Variants in NFIB observed in about 807,000 individuals in gnomAD.
The protein encoded by NFIB is nuclear factor 1 B-type.
A neutral mutation model predicts 61.5 loss-of-function variants in NFIB; 11 were observed. The observed-to-expected ratio is 0.18, with a 90% CI of 0.11 to 0.30. The LOEUF is 0.30. Ranked by LOEUF, NFIB falls within the 10% of genes least tolerant of loss-of-function variation. The probability of loss-of-function intolerance (pLI) is 1.00; values close to 1 mark genes in which losing one functional copy is unlikely to be tolerated. For missense variants in NFIB, 471 were observed against 608.9 expected (o/e 0.77, Z 2.38); for synonymous variants, 260 against 216.5 (o/e 1.20, Z -1.76).
At chr9:14,466,060 G>A in the NFIB span, among the ~76,000 whole-genome samples, 1 of 152,024 alleles carries the variant, frequency 6.6e-6, no homozygotes, top group Non-Finnish European at 1.5e-5. Context: ...ACTCTCCTGT[G>A]AGCGGCTTAG....
intron 1 of NFIB, among the ~76,000 whole-genome samples, chr9:14,308,353 CCTG>C (rs961779272): frequency 6.6e-6 from 1 of 152,270 alleles, no homozygotes; most frequent in East Asian, 1.9e-4. Context: ...CTTGCACTCT[CCTG>C]CTTTCTCACA....
chr9:14,162,129 A>G (rs553339710), intron 3 of NFIB, among the ~76,000 whole-genome samples: 1 of 152,308 alleles, frequency 6.6e-6, no homozygotes, highest in East Asian at 1.9e-4. Flanking sequence ...ATTCATAAAT[A>G]CACAAACATT....
intron 1 of NFIB, among the ~76,000 whole-genome samples, chr9:14,375,037 T>C (rs987366879): frequency 6.6e-5 from 10 of 152,238 alleles, no homozygotes. Context: ...CATGCTATGC[T>C]TCCTCCCAAA....
chr9:14,383,049 T>C (rs911074965), intron 1 of NFIB, among the ~76,000 whole-genome samples: 6 of 151,200 alleles, frequency 4.0e-5, no homozygotes. Context: ...TGTGGAACTC[T>C]TAAGAGAAGG....
At chr9:14,379,148 T>A (rs989848317) in intron 1 of NFIB, among the ~76,000 whole-genome samples, 1 of 152,184 alleles carries the variant, frequency 6.6e-6, no homozygotes, top group East Asian at 1.9e-4. Flanking sequence ...GTATCTCTCT[T>A]TCTACATTTA....
At chr9:14,448,290 T>C in the NFIB span, among the ~76,000 whole-genome samples, 1 of 152,258 alleles carries the variant, frequency 6.6e-6, no homozygotes, top group East Asian at 1.9e-4. Flanking sequence ...TGATGCTTCC[T>C]GGAAGATTTT....
intron 10 of NFIB, among the ~76,000 whole-genome samples, chr9:14,097,501 A>C (rs1347452599): frequency 6.6e-6 from 1 of 152,192 alleles, no homozygotes; most frequent in Non-Finnish European, 1.5e-5. Context: ...ATGCTAACCT[A>C]GTGAATTCGC....
intron 2 of NFIB, among the ~76,000 whole-genome samples, chr9:14,186,224 G>T (rs1044045701): frequency 6.6e-6 from 1 of 152,184 alleles, no homozygotes; most frequent in African/African-American, 2.4e-5. Context: ...TATCAGAGGA[G>T]TAAATGAAAC....
chr9:14,322,928 C>T (rs1380192870), intron 1 of NFIB, among the ~76,000 whole-genome samples: 1 of 152,184 alleles, frequency 6.6e-6, no homozygotes, highest in Non-Finnish European at 1.5e-5. Flanking sequence ...TGCGGCGCGC[C>T]GCGGGCAAGG....
chr9:14,140,609 A>G lies in NFIB; in HGVS notation c.925+6080T>C, dbSNP rs186280078. Among the ~76,000 whole-genome samples, 42 of 152,330 alleles carry G rather than the reference A, an allele frequency of 2.8e-4. No individual in the cohort carries two copies. In the East Asian group the frequency reaches 5.6e-3, roughly 20 times the overall value. On this transcript the variant is annotated intron_variant, in intron 6 of 10. Transcript: ENST00000380953. ...AGCTGACCACTCTTTTGTATGTAGC[A>G]TATCTTTTCACATTCCTAAACTCAC... is the stretch of plus-strand genomic sequence containing the variant.
chr9:14,433,868 G>C, the NFIB span, among the ~76,000 whole-genome samples: 2 of 152,076 alleles, frequency 1.3e-5, no homozygotes, highest in Non-Finnish European at 2.9e-5. Flanking sequence ...TGCATGTCTG[G>C]TTGCAAATGT....
chr9:14,185,940 G>A (rs16931436), intron 2 of NFIB, among the ~76,000 whole-genome samples: 26,167 of 152,120 alleles, frequency 0.17, 2,383 homozygotes, highest in South Asian at 0.29. Context: ...GTTTGTTGAA[G>A]GTCCATGTCC....
chr9:14,507,993 C>T, the NFIB span, among the ~76,000 whole-genome samples: 9 of 147,922 alleles, frequency 6.1e-5, no homozygotes, highest in Admixed American at 2.0e-4. Context: ...CACACACACA[C>T]ATATATATAT....
At position 14,082,069 on chromosome 9, in the gene NFIB, G is replaced by A. The variant is rs2032023638; in HGVS notation, c.*6240C>T. 2 of 211,392 alleles carry A rather than the reference G, an allele frequency of 9.5e-6. No individual in the cohort carries two copies. Among genetic ancestry groups the A allele is most frequent in the Non-Finnish European group, 1.9e-5 (2 of 103,892 alleles). The allele number at this position is 211,392 out of a possible 1,614,324, so 13.1% of individuals were successfully genotyped here. ...CCCAAAGAACGTTATCCTCCAACCG[G>A]GCACAATAAAACCTTCACTAACATT... On this transcript the variant is annotated 3_prime_UTR_variant, in exon 11 of 11. Coordinates refer to ENST00000380953, the MANE Select transcript of NFIB (RefSeq NM_001190737.2).
At chr9:14,418,577 C>A in the NFIB span, among the ~76,000 whole-genome samples, 2 of 152,188 alleles carry the variant, frequency 1.3e-5, no homozygotes, top group Non-Finnish European at 2.9e-5. Context: ...ATCCTACCAG[C>A]TGCAGAGTCT....
chr9:14,265,136 C>T (rs913838162), intron 2 of NFIB, among the ~76,000 whole-genome samples: 12 of 152,242 alleles, frequency 7.9e-5, no homozygotes, highest in Middle Eastern at 3.4e-3. Context: ...TTCTTTGGAT[C>T]AGGATTTGGA....
At chr9:14,466,452 C>A in the NFIB span, among the ~76,000 whole-genome samples, 103 of 152,122 alleles carry the variant, frequency 6.8e-4, 5 homozygotes, top group Non-Finnish European at 1.5e-5. Context: ...TCGCACCATC[C>A]TCTGGGCTCT....
chr9:14,162,450 T>C (rs940694634), intron 3 of NFIB, among the ~76,000 whole-genome samples: 4 of 152,126 alleles, frequency 2.6e-5, no homozygotes, highest in Non-Finnish European at 4.4e-5. Flanking sequence ...TGCTCATCCA[T>C]GGAAGACAGT....
intron 1 of NFIB, among the ~76,000 whole-genome samples, chr9:14,330,833 C>T (rs1224988239): frequency 6.6e-6 from 1 of 152,166 alleles, no homozygotes; most frequent in East Asian, 1.9e-4. Context: ...CATATTCAAT[C>T]AGGCTCCAGG....
Sources: allele counts gnomAD v4.1 joint callset (sites outside exome capture counted in the v4.1 genomes callset), GRCh38; gene constraint gnomAD v4.1.1; transcripts MANE v1.5; gene names NCBI Gene and HGNC (gene_info 2026-07-23, HGNC 2026-07-21).